The following GREB1L variants were observed in gnomAD, a reference collection of about 807,000 sequenced individuals.
The protein encoded by GREB1L is GREB1 like retinoic acid receptor coactivator, also known as GREB1-like protein.
In GREB1L, 17 loss-of-function variants were observed where a neutral mutation model predicts 200.8. The ratio of observed to expected loss-of-function variants is 0.08; its 90% confidence interval spans 0.06 to 0.13. The LOEUF (loss-of-function observed/expected upper bound fraction) is 0.13, where lower values mean the gene tolerates loss of function less well. Ranked by LOEUF, GREB1L falls within the 10% of genes least tolerant of loss-of-function variation. The probability of loss-of-function intolerance (pLI) is 1.00; values close to 1 mark genes in which losing one functional copy is unlikely to be tolerated. For synonymous variants in GREB1L, 789 were observed against 893.0 expected, an observed-to-expected ratio of 0.88 and a Z score of 2.08; for missense variants, 1,657 against 2,367.7, an observed-to-expected ratio of 0.70 and a Z score of 6.23.
At position 21,329,857 on chromosome 18, in the gene GREB1L, T is replaced by G. The variant is rs147840446; in HGVS notation, c.-119-36170T>G. On this transcript the variant is annotated intron_variant, in intron 1 of 32. Coordinates refer to ENST00000424526, the MANE Select transcript of GREB1L (RefSeq NM_001142966.3). ...TCTAGCCCCCTCTCCTGTGTTACTT[T>G]CACTACCAACTCACTCTTTCTTGAT... Among the ~76,000 whole-genome samples, 929 of 151,998 alleles carry G rather than the reference T, an allele frequency of 6.1e-3. 6 individuals are homozygous for G. Among genetic ancestry groups the G allele is most frequent in the Non-Finnish European group, 9.7e-3 (662 of 67,958 alleles).
At chr18:21,336,985 C>A (rs1339062932) in intron 1 of GREB1L, among the ~76,000 whole-genome samples, 11 of 152,288 alleles carry the variant, frequency 7.2e-5, no homozygotes, top group Non-Finnish European at 1.5e-4. Context: ...TATTGCTTAA[C>A]TTTTCCATGA....
intron 1 of GREB1L, among the ~76,000 whole-genome samples, chr18:21,356,488 C>A (rs1471713638): frequency 6.6e-6 from 1 of 152,072 alleles, no homozygotes; most frequent in Non-Finnish European, 1.5e-5. Flanking sequence ...CAATGTTGTT[C>A]CAAATAACAG....
chr18:21,259,211 A>T (rs1384772032), intron 1 of GREB1L, among the ~76,000 whole-genome samples: 1 of 152,238 alleles, frequency 6.6e-6, no homozygotes, highest in Non-Finnish European at 1.5e-5. Context: ...TGAAGTAATA[A>T]TTGGCAGCAA....
chr18:21,331,391 C>T (rs1225043847), intron 1 of GREB1L, among the ~76,000 whole-genome samples: 4 of 152,184 alleles, frequency 2.6e-5, no homozygotes, highest in African/African-American at 4.8e-5. Context: ...TAAGGAATTT[C>T]TTTGTCATGG....
At chr18:21,285,224 C>T (rs1358502616) in intron 1 of GREB1L, among the ~76,000 whole-genome samples, 1 of 151,880 alleles carries the variant, frequency 6.6e-6, no homozygotes, top group African/African-American at 2.4e-5. Context: ...CTTTGAAGCA[C>T]AAAAGTTTTT....
At chr18:21,347,990 C>G (rs28889707) in intron 1 of GREB1L, among the ~76,000 whole-genome samples, 24,464 of 126,816 alleles carry the variant, frequency 0.19, 5,626 homozygotes, top group African/African-American at 0.57. Flanking sequence ...TGTCGCCCAG[C>G]CTGGAATGCA....
chr18:21,506,443 G>C (rs1261705174), intron 25 of GREB1L, among the ~76,000 whole-genome samples: 1 of 152,064 alleles, frequency 6.6e-6, no homozygotes, highest in Non-Finnish European at 1.5e-5. Flanking sequence ...ATGAATGTTG[G>C]GTTTATTTGG....
At chr18:21,466,287 G>A (rs371866243) in intron 15 of GREB1L, among the ~76,000 whole-genome samples, 1 of 152,260 alleles carries the variant, frequency 6.6e-6, no homozygotes, top group South Asian at 2.1e-4. Context: ...GAATAGAATT[G>A]TTGGAGCACA....
chr18:21,417,418 G>A (rs373828919), intron 7 of GREB1L, among the ~76,000 whole-genome samples: 23 of 152,090 alleles, frequency 1.5e-4, no homozygotes, highest in African/African-American at 5.5e-4. Context: ...GGAAGCGGAG[G>A]CACGAGAATC....
At chr18:21,256,599 CA>C (rs1389044576) in intron 1 of GREB1L, among the ~76,000 whole-genome samples, 4 of 152,110 alleles carry the variant, frequency 2.6e-5, no homozygotes, top group Non-Finnish European at 5.9e-5. Flanking sequence ...CTCTATTGAA[CA>C]AATAACTACC....
intron 8 of GREB1L, 125 bp downstream of exon 8, chr18:21,439,762 T>G (rs1218129879): frequency 4.5e-6 from 3 of 668,032 alleles, no homozygotes; most frequent in Non-Finnish European, 8.0e-6. Context: ...ATACAGTGTT[T>G]TGAAAGTTTG....
chr18:21,419,368 TGCAGGATACAGGA>T (rs1294038896), intron 7 of GREB1L, among the ~76,000 whole-genome samples: 1 of 152,218 alleles, frequency 6.6e-6, no homozygotes, highest in Non-Finnish European at 1.5e-5. Flanking sequence ...GCATAAACAT[TGCAGGATACAGGA>T]GCAATATACA....
chr18:21,397,625 C>T (rs962879683), intron 5 of GREB1L, among the ~76,000 whole-genome samples: 4 of 151,972 alleles, frequency 2.6e-5, no homozygotes, highest in Admixed American at 6.6e-5. Flanking sequence ...AGCGTGAACC[C>T]GGGAGGTGGA....
chr18:21,406,289 C>A (rs1371417449), intron 7 of GREB1L, among the ~76,000 whole-genome samples: 1 of 152,146 alleles, frequency 6.6e-6, no homozygotes, highest in East Asian at 1.9e-4. Context: ...TCATGAGACA[C>A]AGGCCAGGAG....
In GREB1L at chr18:21,383,548, A is replaced by G; in HGVS notation, c.30A>G (p.Lys10=). 6.5e-7 allele frequency: 1 copy of G among 1,546,174 alleles called. No individual in the cohort carries two copies. The highest frequency in any genetic ancestry group is 8.7e-7 in the Non-Finnish European group (1 of 1,145,386). ...GGAATTCATATGCTGGGCAACTGAAATCTGCTCGATTTGAGGAAGCTCTCC... is the reference window on the plus strand; with the variant it reads ...GGAATTCATATGCTGGGCAACTGAAGTCTGCTCGATTTGAGGAAGCTCTCC... The part of the protein sequence containing the change: MGNSYAGQL[K]SARFEEALHN... Residue 10 remains lysine, a synonymous_variant, in exon 3 of 33, where the codon AAA becomes AAG. Coordinates refer to ENST00000424526, the MANE Select transcript of GREB1L (RefSeq NM_001142966.3).
At chr18:21,382,533 C>T (rs2040363544) in intron 2 of GREB1L, among the ~76,000 whole-genome samples, 1 of 150,486 alleles carries the variant, frequency 6.6e-6, no homozygotes, top group South Asian at 2.1e-4. Context: ...CTCTTGTCGC[C>T]CAGGCTGGAG....
intron 11 of GREB1L, among the ~76,000 whole-genome samples, chr18:21,448,214 A>G (rs1279686330): frequency 6.6e-6 from 1 of 151,518 alleles, no homozygotes; most frequent in African/African-American, 2.4e-5. Context: ...CATAATGTAT[A>G]CATTACCATT....
At chr18:21,376,508 T>G (rs991472058) in intron 2 of GREB1L, among the ~76,000 whole-genome samples, 1 of 150,238 alleles carries the variant, frequency 6.7e-6, no homozygotes, top group Admixed American at 6.6e-5. Flanking sequence ...GACATAATTA[T>G]GAAAAAATAG....
chr18:21,277,074 A>G (rs1052484010), intron 1 of GREB1L, among the ~76,000 whole-genome samples: 23 of 151,818 alleles, frequency 1.5e-4, no homozygotes, highest in Admixed American at 7.9e-4. Flanking sequence ...GACTGCAGGC[A>G]CCCACCACCA....
Sources: gnomAD v4.1 joint callset for allele counts (sites outside exome capture counted in the v4.1 genomes callset) on GRCh38, gnomAD v4.1.1 for gene constraint, MANE v1.5 for transcripts, NCBI Gene and HGNC (gene_info 2026-07-23, HGNC 2026-07-21) for gene names.